GNPAT: variants seen among roughly 807,000 people sequenced by gnomAD.
The protein encoded by GNPAT is dihydroxyacetone phosphate acyltransferase.
A neutral mutation model predicts 78.4 loss-of-function variants in GNPAT; 30 were observed. The ratio of observed to expected loss-of-function variants is 0.38; its 90% CI spans 0.29 to 0.52. The LOEUF (loss-of-function observed/expected upper bound fraction) is 0.52. GNPAT is among the 20% of genes least tolerant of loss of function. The pLI, the probability that GNPAT is intolerant of heterozygous loss-of-function variation, is 0.84. For synonymous variants in GNPAT, 271 were observed against 281.1 expected (o/e 0.96, Z 0.36); for missense variants, 714 against 812.2 (o/e 0.88, Z 1.47).
chr1:231,245,565 C>T (rs1684724357), intron 1 of GNPAT, among the ~76,000 whole-genome samples: 1 of 152,166 alleles, frequency 6.6e-6, no homozygotes, highest in Admixed American at 6.5e-5. Context: ...CTTTATTTTC[C>T]TTATATTCTC....
chr1:231,274,974 G>A (rs1685669923), intron 12 of GNPAT: 2 of 429,100 alleles, frequency 4.7e-6, no homozygotes, highest in African/African-American at 4.0e-5. Flanking sequence ...CCCTTGAAGT[G>A]AGAAATTATA....
chr1:231,266,205 T>C (rs1685380742), intron 7 of GNPAT, 40 bp downstream of exon 7: 2 of 1,612,544 alleles, frequency 1.2e-6, no homozygotes, highest in Non-Finnish European at 1.7e-6. Context: ...GAGAATGTGC[T>C]GACTGACACA....
rs1558337371 is a variant in GNPAT, at chr1:231,270,741, A to G, written c.1280-17A>G. On this transcript the variant is annotated splice_polypyrimidine_tract_variant and intron_variant, in intron 9 of 15. Coordinates refer to ENST00000366647, the MANE Select transcript of GNPAT (RefSeq NM_014236.4). ...GCAGTGACCCATCTTGTTTGAATGA[A>G]TTGTCTTTGTGTGTAGATAATAAAC... 1 of 1,613,900 alleles carries G rather than the reference A, an allele frequency of 6.2e-7. No homozygotes were observed. Among genetic ancestry groups the G allele is most frequent in the Non-Finnish European group, 8.5e-7 (1 of 1,179,816 alleles).
Position 231,241,253 on chromosome 1 carries a change from G to C in GNPAT, c.-126G>C, listed in dbSNP as rs1453554000. The C allele has an allele frequency of 7.0e-7, 1 of 1,435,154 alleles. No individual in the cohort carries two copies. Among genetic ancestry groups the C allele is most frequent in the Admixed American group, 1.7e-5 (1 of 59,616 alleles). 88.9% of individuals were successfully genotyped at this position (1,435,154 alleles called of 1,614,324 possible). On this transcript the variant is annotated 5_prime_UTR_variant, in exon 1 of 16. Transcript: ENST00000366647. ...GGCGGCGCCCGGGATCCTGTGTAGC[G>C]GCTGCAGAGGGTGCCGCCGCCCTAG...
intron 14 of GNPAT, 139 bp downstream of exon 14, chr1:231,275,637 T>C: frequency 1.4e-6 from 1 of 693,174 alleles, no homozygotes; most frequent in East Asian, 2.7e-5. Context: ...CTCTAATTAG[T>C]TAAGTCAGTG....
chr1:231,267,515 C>G (rs1685424168), intron 8 of GNPAT, among the ~76,000 whole-genome samples, 165 bp from the exon 9 acceptor site: 1 of 152,122 alleles, frequency 6.6e-6, no homozygotes, highest in Admixed American at 6.5e-5. Flanking sequence ...AATGTATGGT[C>G]AGATTACACT....
Position 231,275,416 on chromosome 1 carries a change from T to A in GNPAT, c.1855T>A (p.Cys619Ser), listed in dbSNP as rs755946852. Residue 619 changes from cysteine (C) to serine (S), a missense_variant, in exon 14 of 16, where the codon TGT (cysteine) becomes AGT (serine). By Grantham distance (112) the Cys-to-Ser change is moderately radical. Coordinates refer to ENST00000366647, the MANE Select transcript of GNPAT (RefSeq NM_014236.4). ...SQLLDQGTSQ[C>S]YDVLSSDVQK... ...ACCCCCAATTTTAGGTACCTCTCAATGTTATGATGTATTATCTTCTGATGT... is the reference window on the plus strand; with the variant it reads ...ACCCCCAATTTTAGGTACCTCTCAAAGTTATGATGTATTATCTTCTGATGT... 6.2e-7 allele frequency: 1 copy of A among 1,608,456 alleles called. No homozygotes were observed.
At chr1:231,265,576 T>G in intron 5 of GNPAT, 136 bp from the exon 6 acceptor site, 2 of 887,926 alleles carry the variant, frequency 2.3e-6, no homozygotes, top group Non-Finnish European at 1.9e-6. Context: ...TGTGTGACTC[T>G]CTTGTTTAAT....
At chr1:231,263,733 G>T (rs513814) in intron 4 of GNPAT, among the ~76,000 whole-genome samples, 89,843 of 151,932 alleles carry the variant, frequency 0.59, 27,012 homozygotes, top group African/African-American at 0.69. Context: ...AGTTCCAGTT[G>T]TTCTACATCC....
chr1:231,244,944 G>A lies in GNPAT; in HGVS notation c.78+3488G>A, dbSNP rs983228720. Among the ~76,000 whole-genome samples, 9 of 152,188 alleles carry A rather than the reference G, an allele frequency of 5.9e-5. No homozygotes were observed. The East Asian group carries it at 1.5e-3, about 26-fold the overall frequency. ...CAAGACTGTACATGATCTCTTAACT[G>A]CTATTGCTCTGACTTTACTAATCTT... On this transcript the variant is annotated intron_variant, in intron 1 of 15. Transcript: ENST00000366647.
Position 231,273,943 on chromosome 1 carries a change from C to A in GNPAT, c.1624C>A (p.Leu542Met), listed in dbSNP as rs932490865. Reference protein sequence around the residue: ...TLKDFEEGCYLLCKSEAIQVT... With the variant: ...TLKDFEEGCYMLCKSEAIQVT... ...CTAGGACTTTGAAGAAGGCTGTTACCTGCTTTGTAAAAGTGAAGCCATACA... is the reference window on the plus strand; with the variant it reads ...CTAGGACTTTGAAGAAGGCTGTTACATGCTTTGTAAAAGTGAAGCCATACA... The change falls in exon 12 of 16, where the codon CTG becomes ATG. Residue 542 changes from leucine (L) to methionine (M), a missense_variant. By Grantham distance (15) the Leu-to-Met change is conservative. Coordinates refer to ENST00000366647, the MANE Select transcript of GNPAT (RefSeq NM_014236.4). 4 of 1,613,214 alleles carry A rather than the reference C, an allele frequency of 2.5e-6. No individual in the cohort carries two copies. The African/African-American group carries it at 4.0e-5, about 16-fold the overall frequency.
At chr1:231,258,059 G>T (rs1330809385) in intron 2 of GNPAT, among the ~76,000 whole-genome samples, 1 of 152,094 alleles carries the variant, frequency 6.6e-6, no homozygotes, top group Non-Finnish European at 1.5e-5. Flanking sequence ...TTTCATGGCT[G>T]TGTTTCCTGA....
At chr1:231,266,729 A>G (rs374773776) in intron 8 of GNPAT, among the ~76,000 whole-genome samples, 4 of 152,344 alleles carry the variant, frequency 2.6e-5, no homozygotes, top group African/African-American at 9.6e-5. Flanking sequence ...GTTGAGCACT[A>G]TTGGTAAGCT....
chr1:231,272,280 G>A (rs1354242114), intron 10 of GNPAT, 32 bp from the exon 11 acceptor site: 1 of 1,163,906 alleles, frequency 8.6e-7, no homozygotes, highest in South Asian at 1.2e-5. Flanking sequence ...AAAGGGCAAT[G>A]TTGTAATTTT....
Position 231,270,908 on chromosome 1 carries a change from T to C in GNPAT, c.1430T>C (p.Met477Thr), listed in dbSNP as rs1463655442. Reference sequence around the variant, plus strand: ...ATGCTCCAGCACATCACTCTCCTCATGTGCTCAGCTTATAGGAACCAGCTG... The same window carrying C: ...ATGCTCCAGCACATCACTCTCCTCACGTGCTCAGCTTATAGGAACCAGCTG... ...GLMLQHITLL[M>T]CSAYRNQLLN... Residue 477 changes from methionine (M) to threonine (T), a missense_variant, in exon 10 of 16, where the codon ATG (methionine) becomes ACG (threonine). By Grantham distance (81) the Met-to-Thr change is moderately conservative. Transcript: ENST00000366647. The C allele has an allele frequency of 6.2e-7, 1 of 1,614,090 alleles. No homozygotes were observed. Among genetic ancestry groups the C allele is most frequent in the East Asian group, 2.2e-5 (1 of 44,902 alleles).
chr1:231,259,340 A>G (rs1271885108), intron 2 of GNPAT, among the ~76,000 whole-genome samples: 1 of 152,122 alleles, frequency 6.6e-6, no homozygotes, highest in Admixed American at 6.5e-5. Flanking sequence ...ATACCACTGA[A>G]TAGTTCACTT....
chr1:231,273,851 G>C (rs1401065217), intron 11 of GNPAT, 71 bp from the exon 12 acceptor site: 1 of 1,197,068 alleles, frequency 8.4e-7, no homozygotes, highest in African/African-American at 1.5e-5. Flanking sequence ...TAGATGAGGG[G>C]GTACATGTAT....
At chr1:231,250,905 A>G in intron 1 of GNPAT, 56 bp from the exon 2 acceptor site, 1 of 1,126,320 alleles carries the variant, frequency 8.9e-7, no homozygotes, top group Non-Finnish European at 1.4e-6. Flanking sequence ...GTAGTCTTTA[A>G]TCTGTCCTGA....
At chr1:231,245,031 C>T (rs953521771) in intron 1 of GNPAT, among the ~76,000 whole-genome samples, 1 of 152,178 alleles carries the variant, frequency 6.6e-6, no homozygotes, top group Non-Finnish European at 1.5e-5. Flanking sequence ...ATGCTCTTCC[C>T]TCGAATGCTC....
Sources: allele counts gnomAD v4.1 joint callset (sites outside exome capture counted in the v4.1 genomes callset), GRCh38; gene constraint gnomAD v4.1.1; transcripts MANE v1.5; gene names NCBI Gene and HGNC (gene_info 2026-07-23, HGNC 2026-07-21).